The following THOC7 variants were observed in gnomAD, a reference collection of about 807,000 sequenced individuals.
THOC7 encodes the protein NIF3L1-binding protein 1.
Under a neutral mutation model 33.1 loss-of-function variants are expected in THOC7, and 22 were observed. The observed-to-expected ratio is 0.66, with a 90% CI of 0.47 to 0.95. THOC7 has a LOEUF of 0.95. Ranked by LOEUF, THOC7 falls within the 40% of genes least tolerant of loss-of-function variation. The pLI is 0.00. For missense variants in THOC7, 184 were observed against 245.3 expected (o/e 0.75, Z 1.67); for synonymous variants, 77 against 76.8 (o/e 1.00, Z -0.01).
intron 1 of THOC7, chr3:63,860,825 G>A (rs947637167): frequency 2.6e-5 from 4 of 152,084 alleles, no homozygotes; most frequent in African/African-American, 9.7e-5. Context: ...TATAAATAAC[G>A]TATTAAGGGT....
rs572050081 is a variant in THOC7 at position 63,852,494 on chromosome 3, A to G, written c.19+11278T>C. ...AAGCTGAAGTCCTTTCCTTCTTCTC[A>G]CCCCAGGCAGGGAGAAAGCTGTGCT... On this transcript the variant is annotated intron_variant, in intron 1 of 7. Transcript: ENST00000295899. 2.6e-5 allele frequency among the ~76,000 whole-genome samples: 4 copies of G among 152,290 alleles called. No individual in the cohort carries two copies. The South Asian group carries it at 8.3e-4, about 32-fold the overall frequency.
intron 1 of THOC7, among the ~76,000 whole-genome samples, chr3:63,852,090 T>C (rs1702030482): frequency 6.6e-6 from 1 of 152,212 alleles, no homozygotes; most frequent in Non-Finnish European, 1.5e-5. Context: ...CAAGTGCAGC[T>C]TGACTTACTA....
At chr3:63,861,981 G>T (rs1702230034) in intron 1 of THOC7, among the ~76,000 whole-genome samples, 1 of 151,910 alleles carries the variant, frequency 6.6e-6, no homozygotes, top group South Asian at 2.1e-4. Flanking sequence ...TGTAGACATG[G>T]GGTCTCACTA....
At chr3:63,845,683 T>A (rs1701876888) in intron 1 of THOC7, among the ~76,000 whole-genome samples, 2 of 152,082 alleles carry the variant, frequency 1.3e-5, no homozygotes, top group Non-Finnish European at 2.9e-5. Flanking sequence ...GAAACTGAAA[T>A]GTCATTAGCT....
intron 1 of THOC7, chr3:63,863,553 T>A (rs1702291069): frequency 8.4e-7 from 1 of 1,195,754 alleles, no homozygotes. Context: ...AAGCCGAGGG[T>A]CTCCGAGGGG....
chr3:63,852,571 T>C (rs1702039677), intron 1 of THOC7, among the ~76,000 whole-genome samples: 1 of 152,134 alleles, frequency 6.6e-6, no homozygotes, highest in Non-Finnish European at 1.5e-5. Flanking sequence ...CATGAGTGTG[T>C]AGAACACTAG....
At chr3:63,860,174 G>C (rs929613187) in intron 1 of THOC7, among the ~76,000 whole-genome samples, 1 of 151,848 alleles carries the variant, frequency 6.6e-6, no homozygotes, top group Non-Finnish European at 1.5e-5. Flanking sequence ...GAGTAGCTGA[G>C]ACTACAGGTG....
At chr3:63,849,586 A>G (rs568719342) in intron 1 of THOC7, among the ~76,000 whole-genome samples, 2 of 152,268 alleles carry the variant, frequency 1.3e-5, no homozygotes, top group African/African-American at 4.8e-5. Context: ...TTTGCAGCAA[A>G]GCAAATTTAA....
intron 2 of THOC7, 53 bp downstream of exon 2, chr3:63,839,603 G>T (rs775555606): frequency 9.6e-5 from 139 of 1,445,980 alleles, no homozygotes; most frequent in Non-Finnish European, 1.3e-4. Context: ...TTAATATAGG[G>T]CCTAAAATCA....
intron 1 of THOC7, 23 bp from the exon 2 acceptor site, chr3:63,839,796 T>C: frequency 6.3e-7 from 1 of 1,595,604 alleles, no homozygotes; most frequent in Non-Finnish European, 8.6e-7. Flanking sequence ...AGGGCAATGT[T>C]ACCATCTGGC....
intron 5 of THOC7, 30 bp downstream of exon 5, chr3:63,836,271 G>A: frequency 6.2e-7 from 1 of 1,604,908 alleles, no homozygotes; most frequent in Non-Finnish European, 8.5e-7. Flanking sequence ...ATAAAGGTTA[G>A]TTCCTTTCAA....
chr3:63,842,667 A>C (rs759329704), intron 1 of THOC7, among the ~76,000 whole-genome samples: 16 of 152,166 alleles, frequency 1.1e-4, no homozygotes, highest in Admixed American at 3.3e-4. Flanking sequence ...CAAAACATAC[A>C]GAGTGACATA....
At chr3:63,846,260 T>C in intron 1 of THOC7, 2 of 443,536 alleles carry the variant, frequency 4.5e-6, no homozygotes, top group South Asian at 3.2e-5. Context: ...GAGAATCGTC[T>C]GAAAAATCAG....
intron 7 of THOC7, 45 bp from the exon 8 acceptor site, chr3:63,834,244 T>C (rs566055420): frequency 1.6e-5 from 26 of 1,587,244 alleles, no homozygotes; most frequent in African/African-American, 2.7e-5. Context: ...AGTTTGCCTA[T>C]ATTTTATATT....
chr3:63,844,004 G>T (rs1384292780), intron 1 of THOC7, among the ~76,000 whole-genome samples: 1 of 152,088 alleles, frequency 6.6e-6, no homozygotes, highest in East Asian at 1.9e-4. Context: ...CATAAACAAT[G>T]AAATACTATT....
chr3:63,844,999 TG>T lies in THOC7; in HGVS notation c.20-5227del, dbSNP rs747104653. The T allele has an allele frequency of 6.5e-5, 45 of 689,890 alleles. 1 individual carries two copies. The South Asian group carries it at 6.8e-4, about 10-fold the overall frequency. The allele number at this position is 689,890 out of a possible 1,614,324, so 42.7% of individuals were successfully genotyped here. On this transcript the variant is annotated intron_variant, in intron 1 of 7. Transcript: ENST00000295899. ...TAAAGACAATTGAGATCTTTACATTTGTTGTAATTTTGTCTCTTGACAGATG... is the reference window on the plus strand; with the variant it reads ...TAAAGACAATTGAGATCTTTACATTTTTGTAATTTTGTCTCTTGACAGATG...
At chr3:63,863,886 A>C, upstream of THOC7, 1 of 1,162,286 alleles carries the variant, frequency 8.6e-7, no homozygotes, top group Non-Finnish European at 1.1e-6. Context: ...CCGGGTAAAC[A>C]GCCATGGAGG....
intron 1 of THOC7, among the ~76,000 whole-genome samples, chr3:63,840,613 A>G (rs1238475667): frequency 1.3e-5 from 2 of 152,218 alleles, no homozygotes; most frequent in East Asian, 3.8e-4. Flanking sequence ...AAAATAAAAA[A>G]TAAAAAAATA....
At position 63,845,704 on chromosome 3, in the gene THOC7, A is replaced by C. The variant is rs563272892; in HGVS notation, c.20-5931T>G. ...GAAATGTCATTAGCTAAGTTGGTCAAGGCGATCTCAAAGCCAAAGCCATTT... is the reference window on the plus strand; with the variant it reads ...GAAATGTCATTAGCTAAGTTGGTCACGGCGATCTCAAAGCCAAAGCCATTT... On this transcript the variant is annotated intron_variant, in intron 1 of 7. Coordinates refer to ENST00000295899, the MANE Select transcript of THOC7 (RefSeq NM_025075.4). Among the ~76,000 whole-genome samples, 4 of 152,204 alleles carry C rather than the reference A, an allele frequency of 2.6e-5. No individual in the cohort carries two copies. In the South Asian group the frequency reaches 8.3e-4, roughly 32 times the overall value.
Sources: allele counts gnomAD v4.1 joint callset (sites outside exome capture counted in the v4.1 genomes callset), GRCh38; gene constraint gnomAD v4.1.1; transcripts MANE v1.5; gene names NCBI Gene and HGNC (gene_info 2026-07-23, HGNC 2026-07-21).